VPS4A: variants seen among roughly 807,000 people sequenced by gnomAD.
The protein encoded by VPS4A is vacuolar protein sorting 4 homolog A.
A neutral mutation model predicts 52.3 loss-of-function variants in VPS4A; 20 were observed. The ratio of observed to expected loss-of-function variants is 0.38; its 90% CI spans 0.27 to 0.56. The LOEUF (loss-of-function observed/expected upper bound fraction) is 0.56. Ranked by LOEUF, VPS4A falls within the 20% of genes least tolerant of loss-of-function variation. The pLI is 0.72. For synonymous variants in VPS4A, 293 were observed against 227.7 expected (o/e 1.29, Z -2.58); for missense variants, 419 against 575.9 (o/e 0.73, Z 2.79).
At chr16:69,313,867 C>T (rs1333219090) in intron 1 of VPS4A, among the ~76,000 whole-genome samples, 11 of 151,958 alleles carry the variant, frequency 7.2e-5, no homozygotes, top group Non-Finnish European at 1.5e-4. Context: ...AGAGATGCGG[C>T]GGGGCTGGCA....
chr16:69,319,641 G>A, intron 6 of VPS4A, 98 bp downstream of exon 6: 3 of 1,466,686 alleles, frequency 2.0e-6, no homozygotes, highest in East Asian at 2.5e-5. Flanking sequence ...GAGTGGTTTG[G>A]TTTTCAGGGA....
At position 69,311,394 on chromosome 16, in the gene VPS4A, C is replaced by A. The variant is rs1965374580; in HGVS notation, c.-118C>A. On this transcript the variant is annotated 5_prime_UTR_variant, in exon 1 of 11. Coordinates refer to ENST00000254950, the MANE Select transcript of VPS4A (RefSeq NM_013245.3). ...GCTGCGAGCGGCCGCCCTGCCCGCG[C>A]ACCGCGCTCAGCGCCCACCGCCGGG... 7.1e-6 allele frequency: 8 copies of A among 1,131,120 alleles called. No homozygotes were observed. The East Asian group carries it at 2.5e-4, about 35-fold the overall frequency. 70.1% of individuals were successfully genotyped at this position (1,131,120 alleles called of 1,614,324 possible).
rs986122611 is a variant in VPS4A at position 69,311,381 on chromosome 16, C to T, written c.-131C>T. ...GGACTCGGCTCCCGCTGCGAGCGGC[C>T]GCCCTGCCCGCGCACCGCGCTCAGC... On this transcript the variant is annotated 5_prime_UTR_variant, in exon 1 of 11. Coordinates refer to ENST00000254950, the MANE Select transcript of VPS4A (RefSeq NM_013245.3). 10 of 1,039,096 alleles carry T rather than the reference C, an allele frequency of 9.6e-6. No homozygotes were observed. The highest frequency in any genetic ancestry group is 4.8e-5 in the South Asian group (1 of 20,782). The allele number at this position is 1,039,096 out of a possible 1,614,324, so 64.4% of individuals were successfully genotyped here. A position where few individuals can be genotyped will look rare whatever the true frequency, so the allele number is the denominator to read the frequency against.
At chr16:69,319,190 G>A (rs1334099808) in intron 5 of VPS4A, among the ~76,000 whole-genome samples, 197 bp from the exon 6 acceptor site, 1 of 150,192 alleles carries the variant, frequency 6.7e-6, no homozygotes, top group Admixed American at 6.6e-5. Context: ...TGGGGTCATA[G>A]CAGGGGCACT....
At position 69,311,405 on chromosome 16, in the gene VPS4A, G is replaced by T. The variant is rs1319058356; in HGVS notation, c.-107G>T. ...CCGCCCTGCCCGCGCACCGCGCTCA[G>T]CGCCCACCGCCGGGCTTCCCGCGCC... On this transcript the variant is annotated 5_prime_UTR_variant, in exon 1 of 11. Coordinates refer to ENST00000254950, the MANE Select transcript of VPS4A (RefSeq NM_013245.3). 12 of 1,182,888 alleles carry T rather than the reference G, an allele frequency of 1.0e-5. No homozygotes were observed. The highest frequency in any genetic ancestry group is 1.3e-5 in the Non-Finnish European group (12 of 937,728). 73.3% of individuals were successfully genotyped at this position (1,182,888 alleles called of 1,614,324 possible).
At chr16:69,322,290 C>T (rs1010891969) in intron 9 of VPS4A, 16 of 312,816 alleles carry the variant, frequency 5.1e-5, no homozygotes, top group East Asian at 3.5e-4. Context: ...CACAGCTAAA[C>T]CATATCACAC....
Position 69,311,520 on chromosome 16 carries a change from G to C in VPS4A, c.9G>C (p.Thr3=). 1 of 1,357,302 alleles carries C rather than the reference G, an allele frequency of 7.4e-7. No individual in the cohort carries two copies. Among genetic ancestry groups the C allele is most frequent in the East Asian group, 3.1e-5 (1 of 32,604 alleles). The allele number at this position is 1,357,302 out of a possible 1,614,324, so 84.1% of individuals were successfully genotyped here. ...CGGACCCAGGAGATGAAATGACAAC[G>C]TCAACCCTCCAGGTACTTCGTGCGG... MT[T]STLQKAIDLV... The change falls in exon 1 of 11, where the codon ACG becomes ACC. Residue 3 remains threonine, a synonymous_variant. Coordinates refer to ENST00000254950, the MANE Select transcript of VPS4A (RefSeq NM_013245.3).
Position 69,316,275 on chromosome 16 carries a change from C to T in VPS4A, c.184C>T (p.Gln62Ter). 6.2e-7 allele frequency: 1 copy of T among 1,613,814 alleles called. No individual in the cohort carries two copies. The highest frequency in any genetic ancestry group is 8.5e-7 in the Non-Finnish European group (1 of 1,179,868). ...AKESIRAKCV[Q>*]YLDRAEKLKD... ...GGAGAGCATTCGAGCCAAGTGCGTG[C>T]AGTACCTAGACCGGGCCGAGAAGCT... The change falls in exon 3 of 11, where the codon CAG becomes TAG. Residue 62 changes from glutamine to a stop codon, truncating the protein, a stop_gained. Coordinates refer to ENST00000254950, the MANE Select transcript of VPS4A (RefSeq NM_013245.3). LOFTEE classifies it high-confidence loss of function.
intron 1 of VPS4A, among the ~76,000 whole-genome samples, chr16:69,314,931 A>G (rs1426907432): frequency 6.6e-6 from 1 of 152,066 alleles, no homozygotes; most frequent in Non-Finnish European, 1.5e-5. Context: ...ACCAGGCTTT[A>G]AAACCATGTA....
rs1432190785 is a variant in VPS4A, at chr16:69,321,249, G to A, written c.1050G>A (p.Gln350=). The A allele has an allele frequency of 6.4e-7, 1 of 1,556,504 alleles. No individual in the cohort carries two copies. ...DSLMQPVRKV[Q]SATHFKKVCG... is the part of the protein sequence containing the mutation. ...TCATGCAGCCCGTGAGGAAGGTGCAGTCGGCCACACACTTCAAAAAGGTGA... is the reference window on the plus strand; with the variant it reads ...TCATGCAGCCCGTGAGGAAGGTGCAATCGGCCACACACTTCAAAAAGGTGA... The change falls in exon 9 of 11, where the codon CAG becomes CAA. Residue 350 remains glutamine (Q), a synonymous_variant. Coordinates refer to ENST00000254950, the MANE Select transcript of VPS4A (RefSeq NM_013245.3). The surrounding 1 kb of genome is among the most constrained non-coding windows in gnomAD (Gnocchi z 4.5).
intron 9 of VPS4A, chr16:69,322,320 C>T: frequency 2.5e-6 from 1 of 401,650 alleles, no homozygotes; most frequent in Non-Finnish European, 4.5e-6. Flanking sequence ...CACTGTATTC[C>T]TGGTGAGACG....
In VPS4A at chr16:69,318,762, C is replaced by G. The variant is rs1965470465; in HGVS notation, c.343+51C>G. On this transcript the variant is annotated intron_variant, in intron 4 of 10. Transcript: ENST00000254950. ...GCGGCAGGGGATGAGAGTGGGTCCG[C>G]TGCTGGGTTGGCTCATGCCCCTTGG... The G allele has an allele frequency of 2.5e-6, 4 of 1,613,052 alleles. No individual in the cohort carries two copies. The Admixed American group carries it at 6.7e-5, about 27-fold the overall frequency.
chr16:69,323,720 C>A (rs375652541), intron 10 of VPS4A: 7 of 452,052 alleles, frequency 1.5e-5, no homozygotes, highest in Admixed American at 1.4e-4. Flanking sequence ...GAGGCCGAGG[C>A]GGGCAGATCG....
Position 69,320,305 on chromosome 16 carries a change from A to AG in VPS4A, c.769+19dup. 1 of 1,608,870 alleles carries AG rather than the reference A, an allele frequency of 6.2e-7. No individual in the cohort carries two copies. Among genetic ancestry groups the AG allele is most frequent in the Non-Finnish European group, 8.5e-7 (1 of 1,175,720 alleles). On this transcript the variant is annotated intron_variant, in intron 7 of 10. Coordinates refer to ENST00000254950, the MANE Select transcript of VPS4A (RefSeq NM_013245.3). The surrounding 1 kb of genome is among the most constrained non-coding windows in gnomAD (Gnocchi z 4.2). ...CAGATGCAGGGTGTGTGCCGGGCCC[A>AG]GGGCCCCCTTGGTTCTTGTTGCACC...
At position 69,322,583 on chromosome 16, in the gene VPS4A, C is replaced by T. The variant is rs369660550; in HGVS notation, c.1095C>T (p.Asn365=). The change falls in exon 10 of 11, where the codon AAC becomes AAT. Residue 365 remains asparagine (N), a synonymous_variant. Transcript: ENST00000254950. The part of the protein sequence containing the change: ...FKKVCGPSRT[N]PSMMIDDLLT... ...AGGTCTGTGGCCCCTCTCGCACCAA[C>T]CCCAGCATGATGATTGATGACCTCC... 2.1e-5 allele frequency: 34 copies of T among 1,613,642 alleles called. No homozygotes were observed. The highest frequency in any genetic ancestry group is 2.0e-4 in the South Asian group (18 of 91,040).
chr16:69,319,089 T>C (rs771795092), intron 5 of VPS4A, 147 bp downstream of exon 5: 195 of 1,253,838 alleles, frequency 1.6e-4, no homozygotes, highest in Non-Finnish European at 2.1e-4. Flanking sequence ...TCCACAACAC[T>C]GCTGTGGCTG....
chr16:69,321,120 C>T lies in VPS4A; in HGVS notation c.921C>T (p.Leu307=), dbSNP rs988019804. ...GCGCCCAGATGTTCCGGTTGCATCT[C>T]GGGAGCACTCCCCACAACCTCACGG... is the stretch of plus-strand genomic sequence containing the variant. ...AARAQMFRLH[L]GSTPHNLTDA... Residue 307 remains leucine (L), a synonymous_variant, in exon 9 of 11, where the codon CTC becomes CTT. Coordinates refer to ENST00000254950, the MANE Select transcript of VPS4A (RefSeq NM_013245.3). The surrounding 1 kb of genome is among the most constrained non-coding windows in gnomAD (Gnocchi z 4.5). The T allele has an allele frequency of 1.4e-5, 22 of 1,594,862 alleles. No individual in the cohort carries two copies. The highest frequency in any genetic ancestry group is 1.7e-4 in the Middle Eastern group (1 of 6,058).
rs2143283545 is a variant in VPS4A, at chr16:69,326,825, T to C, written c.*2516T>C. 1 of 152,380 alleles carries C rather than the reference T, an allele frequency of 6.6e-6. No homozygotes were observed. 9.4% of individuals were successfully genotyped at this position (152,380 alleles called of 1,614,324 possible). ...GGCTTTCACTGTGGAAGTTGATTTC[T>C]AAAACTCTGATGAGCTCACAACGTT... On this transcript the variant is annotated 3_prime_UTR_variant, in exon 11 of 11. Transcript: ENST00000254950.
In VPS4A at chr16:69,321,677, T is replaced by C. The variant is rs1965514299; in HGVS notation, c.1071+407T>C. The C allele has an allele frequency of 4.3e-6, 1 of 232,954 alleles. No individual in the cohort carries two copies. The highest frequency in any genetic ancestry group is 8.6e-6 in the Non-Finnish European group (1 of 116,012). The allele number at this position is 232,954 out of a possible 1,614,324, so 14.4% of individuals were successfully genotyped here. A position where few individuals can be genotyped will look rare whatever the true frequency, so the allele number is the denominator to read the frequency against. On this transcript the variant is annotated intron_variant, in intron 9 of 10. Coordinates refer to ENST00000254950, the MANE Select transcript of VPS4A (RefSeq NM_013245.3). The surrounding 1 kb of genome is among the most constrained non-coding windows in gnomAD (Gnocchi z 4.5). ...GTGGGTCCTCCTGTGTGCCCGGCCC[T>C]GTCCTAAGTGCTGGGAAGATATGAG...
Sources: allele counts gnomAD v4.1 joint callset (sites outside exome capture counted in the v4.1 genomes callset), GRCh38; gene constraint gnomAD v4.1.1; non-coding constraint Gnocchi (gnomAD v3.1); transcripts MANE v1.5; gene names NCBI Gene and HGNC (gene_info 2026-07-23, HGNC 2026-07-21).